The following DAB1 variants were observed in gnomAD, a reference collection of about 807,000 sequenced individuals.
DAB1 encodes the protein DAB adaptor protein 1, also known as disabled homolog 1.
A neutral mutation model predicts 64.6 loss-of-function variants in DAB1; 15 were observed. The observed-to-expected ratio is 0.23, with a 90% CI of 0.16 to 0.36. The LOEUF (loss-of-function observed/expected upper bound fraction) is 0.36, where lower values mean the gene tolerates loss of function less well. Ranked by LOEUF, DAB1 falls within the 10% of genes least tolerant of loss-of-function variation. The pLI is 1.00. For missense variants in DAB1, 596 were observed against 706.7 expected (o/e 0.84, Z 1.78); for synonymous variants, 235 against 251.9 (o/e 0.93, Z 0.64).
At chr1:58,498,545 G>A (rs1232412923) in intron 3 of DAB1, among the ~76,000 whole-genome samples, 2 of 152,104 alleles carry the variant, frequency 1.3e-5, no homozygotes, top group Admixed American at 1.3e-4. Flanking sequence ...AGAGAATAGT[G>A]GGTAACTACT....
At chr1:57,017,003 C>A (rs1646457034) in intron 11 of DAB1, among the ~76,000 whole-genome samples, 1 of 152,090 alleles carries the variant, frequency 6.6e-6, no homozygotes, top group African/African-American at 2.4e-5. Context: ...TCTGTCCCCC[C>A]AAAGCCAGGG....
chr1:57,226,752 C>T (rs1667300699), intron 2 of DAB1, among the ~76,000 whole-genome samples: 1 of 148,576 alleles, frequency 6.7e-6, no homozygotes, highest in South Asian at 2.1e-4. Flanking sequence ...ACAGTCATAC[C>T]CTCAAGAAGT....
chr1:57,991,051 C>T (rs1260953883), intron 5 of DAB1, among the ~76,000 whole-genome samples: 1 of 152,190 alleles, frequency 6.6e-6, no homozygotes, highest in African/African-American at 2.4e-5. Context: ...TCAATTCTCA[C>T]AGCAATTCTA....
chr1:57,977,710 C>T (rs77142620), intron 5 of DAB1, among the ~76,000 whole-genome samples: 2 of 129,334 alleles, frequency 1.5e-5, no homozygotes, highest in Non-Finnish European at 3.4e-5. Flanking sequence ...CTGACGACAT[C>T]CCCCGGACCC....
chr1:57,258,505 G>A (rs531419642), intron 2 of DAB1, among the ~76,000 whole-genome samples: 6 of 152,098 alleles, frequency 3.9e-5, no homozygotes, highest in South Asian at 2.1e-4. Context: ...TTTGTTTATC[G>A]GAGCTGTGCT....
intron 7 of DAB1, chr1:57,070,789 AG>A: frequency 1.8e-6 from 1 of 547,010 alleles, no homozygotes. Flanking sequence ...GCCGAGGCAG[AG>A]GCAAGAAGGG....
At chr1:58,037,124 T>C in intron 5 of DAB1, among the ~76,000 whole-genome samples, 1 of 152,104 alleles carries the variant, frequency 6.6e-6, no homozygotes, top group South Asian at 2.1e-4. Flanking sequence ...ACTCCACGTA[T>C]TGTCTCTCCC....
intron 6 of DAB1, among the ~76,000 whole-genome samples, chr1:57,716,911 T>G (rs1430109650): frequency 6.6e-6 from 1 of 152,112 alleles, no homozygotes; most frequent in Non-Finnish European, 1.5e-5. Flanking sequence ...AGGTTTAAAA[T>G]GGGGAAAAGA....
At chr1:57,955,672 G>C (rs1006794792) in intron 5 of DAB1, among the ~76,000 whole-genome samples, 1 of 152,028 alleles carries the variant, frequency 6.6e-6, no homozygotes, top group Non-Finnish European at 1.5e-5. Flanking sequence ...AGAGGATACA[G>C]CCCAAATTAG....
At chr1:58,118,286 C>CAGGAGT (rs1427928053) in intron 5 of DAB1, among the ~76,000 whole-genome samples, 1 of 150,354 alleles carries the variant, frequency 6.7e-6, no homozygotes, top group Non-Finnish European at 1.5e-5. Context: ...TTCAGCAACA[C>CAGGAGT]AGGAGTAGAG....
chr1:58,244,784 T>A (rs941492971), intron 4 of DAB1, among the ~76,000 whole-genome samples: 4 of 152,092 alleles, frequency 2.6e-5, no homozygotes, highest in Non-Finnish European at 5.9e-5. Context: ...AAACTAAGAG[T>A]CATAACACTA....
chr1:57,451,858 CA>C (rs1199516736), intron 7 of DAB1, among the ~76,000 whole-genome samples: 5 of 152,228 alleles, frequency 3.3e-5, no homozygotes, highest in African/African-American at 9.6e-5. Context: ...TTTACCTTGG[CA>C]TCTCATCATG....
At chr1:58,387,073 C>T (rs1644438361) in intron 3 of DAB1, among the ~76,000 whole-genome samples, 1 of 151,854 alleles carries the variant, frequency 6.6e-6, no homozygotes, top group African/African-American at 2.4e-5. Context: ...AAAACAAAAA[C>T]AAAACAAAAA....
At chr1:57,739,041 T>C (rs1017903554) in intron 6 of DAB1, among the ~76,000 whole-genome samples, 2 of 152,220 alleles carry the variant, frequency 1.3e-5, no homozygotes, top group African/African-American at 4.8e-5. Flanking sequence ...TAGCGCTGTC[T>C]CCTGAGCAGG....
intron 4 of DAB1, among the ~76,000 whole-genome samples, chr1:58,284,274 T>C (rs1661632557): frequency 1.3e-5 from 2 of 152,264 alleles, no homozygotes; most frequent in Admixed American, 6.5e-5. Flanking sequence ...CTTTCTCTCC[T>C]TGAGTGCCAG....
intron 1 of DAB1, among the ~76,000 whole-genome samples, chr1:57,372,571 C>T (rs942675431): frequency 6.6e-6 from 1 of 152,132 alleles, no homozygotes; most frequent in East Asian, 1.9e-4. Context: ...CTCTGGCTGA[C>T]TTTACACAGC....
intron 7 of DAB1, among the ~76,000 whole-genome samples, chr1:57,473,002 T>C (rs77968678): frequency 0.034 from 5,165 of 152,286 alleles, 315 homozygotes; most frequent in African/African-American, 0.11. Flanking sequence ...GTTTGCTTTA[T>C]TTCTCCATGT....
At chr1:58,374,344 A>G (rs1644302061) in intron 3 of DAB1, among the ~76,000 whole-genome samples, 9 of 108,172 alleles carry the variant, frequency 8.3e-5, no homozygotes, top group Admixed American at 3.1e-4. Context: ...TCCATCTTGA[A>G]TTGATTTTTG....
chr1:57,722,988 C>T (rs1647169183), intron 6 of DAB1, among the ~76,000 whole-genome samples: 1 of 152,140 alleles, frequency 6.6e-6, no homozygotes, highest in South Asian at 2.1e-4. Flanking sequence ...GAGTATGTTG[C>T]TCCCATCTCC....
Sources: allele counts gnomAD v4.1 joint callset (sites outside exome capture counted in the v4.1 genomes callset), GRCh38; gene constraint gnomAD v4.1.1; transcripts MANE v1.5; gene names NCBI Gene and HGNC (gene_info 2026-07-23, HGNC 2026-07-21).